FSTL5: variants seen among roughly 807,000 people sequenced by gnomAD.
FSTL5 encodes follistatin-related protein 5.
Under a neutral mutation model 89.1 loss-of-function variants are expected in FSTL5, and 62 were observed. That is an observed-to-expected ratio of 0.70 (90% CI 0.57 to 0.86). FSTL5 has a LOEUF of 0.86. Ranked by LOEUF, FSTL5 falls within the 40% of genes least tolerant of loss-of-function variation. The pLI is 0.00. For missense variants in FSTL5, 1,057 were observed against 1,001.6 expected (o/e 1.06, Z -0.75); for synonymous variants, 383 against 346.2 (o/e 1.11, Z -1.18).
At chr4:161,765,966 T>C (rs1406898598) in intron 5 of FSTL5, among the ~76,000 whole-genome samples, 1 of 152,074 alleles carries the variant, frequency 6.6e-6, no homozygotes, top group Non-Finnish European at 1.5e-5. Context: ...GGCTAATTTT[T>C]GTATTTTTAG....
At position 161,992,861 on chromosome 4, in the gene FSTL5, AATATATATATATAT is replaced by A. The variant is rs1214124720; in HGVS notation, c.160+40750_160+40763del. Among the ~76,000 whole-genome samples the A allele has an allele frequency of 2.2e-3, 170 of 76,234 alleles. 9 individuals carry two copies. The highest frequency in any genetic ancestry group is 2.7e-3 in the Non-Finnish European group (115 of 42,296). The allele number at this position is 76,234 out of a possible 152,430, so 50.0% of individuals were successfully genotyped here. A position where few individuals can be genotyped will look rare whatever the true frequency, so the allele number is the denominator to read the frequency against. On this transcript the variant is annotated intron_variant, in intron 3 of 15. Transcript: ENST00000306100. Reference sequence around the variant, plus strand: ...AAACTCCATCTCAAAAAAAAAAAAAAATATATATATATATATATATATATATATATATATATGTG... The same window carrying A: ...AAACTCCATCTCAAAAAAAAAAAAAAATATATATATATATATATATATGTG...
At chr4:162,031,057 G>T (rs767258023) in intron 3 of FSTL5, among the ~76,000 whole-genome samples, 1 of 152,048 alleles carries the variant, frequency 6.6e-6, no homozygotes, top group African/African-American at 2.4e-5. Flanking sequence ...ATGGCTACCT[G>T]GTAGTTGACC....
At chr4:162,124,310 A>G (rs1731984750) in intron 1 of FSTL5, among the ~76,000 whole-genome samples, 3 of 152,154 alleles carry the variant, frequency 2.0e-5, no homozygotes, top group African/African-American at 7.2e-5. Context: ...AAAATTTAGT[A>G]GTATCATCCA....
chr4:161,800,304 G>A (rs572651495), intron 4 of FSTL5, among the ~76,000 whole-genome samples: 1 of 151,698 alleles, frequency 6.6e-6, no homozygotes, highest in African/African-American at 2.4e-5. Context: ...AGCATGTCTA[G>A]AAAAGACCTA....
chr4:161,506,972 CT>C (rs1258395007), intron 11 of FSTL5, among the ~76,000 whole-genome samples: 1 of 152,006 alleles, frequency 6.6e-6, no homozygotes, highest in African/African-American at 2.4e-5. Flanking sequence ...GAATACGAAA[CT>C]TTTTTTCTGC....
chr4:161,933,263 C>T (rs1387553457), intron 3 of FSTL5, among the ~76,000 whole-genome samples: 3 of 152,010 alleles, frequency 2.0e-5, no homozygotes, highest in African/African-American at 7.2e-5. Flanking sequence ...CCACAGGATC[C>T]CACTAGATTG....
At chr4:161,705,995 T>TATATATATATAC (rs1302711727) in intron 6 of FSTL5, among the ~76,000 whole-genome samples, 2 of 37,532 alleles carry the variant, frequency 5.3e-5, no homozygotes, top group African/African-American at 1.6e-4. Context: ...TATATATATA[T>TATATATATATAC]ACACACATCT....
At chr4:161,786,591 T>C (rs181362530) in intron 4 of FSTL5, among the ~76,000 whole-genome samples, 3 of 152,250 alleles carry the variant, frequency 2.0e-5, no homozygotes, top group African/African-American at 4.8e-5. Flanking sequence ...TAAATACAAG[T>C]AATCCTATGA....
intron 13 of FSTL5, among the ~76,000 whole-genome samples, chr4:161,463,320 T>C (rs983197742): frequency 6.6e-6 from 1 of 152,152 alleles, no homozygotes; most frequent in South Asian, 2.1e-4. Flanking sequence ...CTGAAAAAGA[T>C]ATGCAGATCA....
At chr4:161,618,727 A>G (rs1734989290) in intron 7 of FSTL5, among the ~76,000 whole-genome samples, 1 of 152,144 alleles carries the variant, frequency 6.6e-6, no homozygotes, top group Non-Finnish European at 1.5e-5. Flanking sequence ...TCGTTTTGCC[A>G]GTATTTTATT....
At chr4:161,595,739 T>G (rs1398038970) in intron 7 of FSTL5, among the ~76,000 whole-genome samples, 1 of 152,062 alleles carries the variant, frequency 6.6e-6, no homozygotes, top group Non-Finnish European at 1.5e-5. Flanking sequence ...GCTGAATTTC[T>G]GGCCTATATT....
At chr4:161,506,331 C>G (rs1204404586) in intron 11 of FSTL5, among the ~76,000 whole-genome samples, 11 of 151,938 alleles carry the variant, frequency 7.2e-5, no homozygotes, top group Admixed American at 7.2e-4. Context: ...CTTCGGCCCC[C>G]CAAATTGCTA....
At chr4:162,051,187 A>C (rs1439235429) in intron 2 of FSTL5, among the ~76,000 whole-genome samples, 1 of 151,558 alleles carries the variant, frequency 6.6e-6, no homozygotes, top group East Asian at 1.9e-4. Flanking sequence ...AATGTTGATT[A>C]AAAATATTGT....
intron 6 of FSTL5, among the ~76,000 whole-genome samples, chr4:161,716,607 T>TAAATA (rs1553960657): frequency 1.3e-4 from 19 of 151,894 alleles, no homozygotes; most frequent in East Asian, 5.8e-4. Context: ...AAAAAATAAA[T>TAAATA]AAATAAAATA....
At chr4:161,482,216 C>T (rs778144114) in intron 12 of FSTL5, among the ~76,000 whole-genome samples, 6 of 151,850 alleles carry the variant, frequency 4.0e-5, no homozygotes, top group Non-Finnish European at 7.4e-5. Flanking sequence ...CTTGGGAGGC[C>T]GAGGCAGGAG....
chr4:161,437,840 A>G (rs1302508572), intron 15 of FSTL5, among the ~76,000 whole-genome samples: 1 of 152,102 alleles, frequency 6.6e-6, no homozygotes, highest in East Asian at 1.9e-4. Context: ...CATAGAGAAA[A>G]AGGAAGTTCC....
intron 4 of FSTL5, among the ~76,000 whole-genome samples, chr4:161,817,169 A>G (rs187797253): frequency 6.6e-6 from 1 of 152,334 alleles, no homozygotes; most frequent in Non-Finnish European, 1.5e-5. Flanking sequence ...AATTATAATG[A>G]TATTTTATTA....
intron 4 of FSTL5, among the ~76,000 whole-genome samples, chr4:161,812,879 C>CAAAAAAAAAAAAAAAAAAAAAAAAAAAAA (rs35183730): frequency 4.8e-5 from 2 of 41,566 alleles, no homozygotes; most frequent in Non-Finnish European, 8.4e-5. Context: ...TAAATCCCAG[C>CAAAAAAAAAAAAAAAAAAAAAAAAAAAAA]AAAAAAAAAA....
At chr4:161,707,547 A>T (rs540686815) in intron 6 of FSTL5, among the ~76,000 whole-genome samples, 1 of 152,060 alleles carries the variant, frequency 6.6e-6, no homozygotes, top group African/African-American at 2.4e-5. Flanking sequence ...TATATAAGTT[A>T]ACAAAGCTTA....
Sources: allele counts gnomAD v4.1 joint callset (sites outside exome capture counted in the v4.1 genomes callset), GRCh38; gene constraint gnomAD v4.1.1; transcripts MANE v1.5; gene names NCBI Gene and HGNC (gene_info 2026-07-23, HGNC 2026-07-21).